Variants in OTC observed in about 807,000 individuals in gnomAD.
The protein encoded by OTC is ornithine transcarbamylase.
In OTC, 3 loss-of-function variants were observed where a neutral mutation model predicts 30.3. The observed-to-expected ratio is 0.10, with a 90% CI of 0.05 to 0.26. OTC has a LOEUF of 0.26. Among genes scored for constraint, OTC ranks in the 10% least tolerant of loss-of-function variants. The pLI is 1.00. For missense variants in OTC, 194 were observed against 260.3 expected (o/e 0.75, Z 1.75); for synonymous variants, 111 against 99.7 (o/e 1.11, Z -0.67).
At chrX:38,367,880 GC>G in intron 2 of OTC, among the ~76,000 whole-genome samples, 1 of 110,270 alleles carries the variant, frequency 9.1e-6, no homozygotes, top group South Asian at 4.0e-4. Flanking sequence ...ACCACACCTG[GC>G]TAATTTTTGT....
chrX:38,398,559 G>A (rs1312005048), intron 4 of OTC, among the ~76,000 whole-genome samples: 1 of 111,190 alleles, frequency 9.0e-6, no homozygotes, highest in Non-Finnish European at 1.9e-5. Flanking sequence ...GTTTAAAGAA[G>A]TCTGAAGTAT....
At chrX:38,394,868 T>C (rs748055379) in intron 4 of OTC, among the ~76,000 whole-genome samples, 20 of 103,945 alleles carry the variant, frequency 1.9e-4, no homozygotes, top group African/African-American at 7.0e-4. Context: ...CGGCTGACTT[T>C]CTTTTGAAAA....
In OTC at chrX:38,365,878, G is replaced by C. The variant is rs149856702; in HGVS notation, c.78-1413G>C. ...AAAGACCTAGCATGGTATTGTTTCA[G>C]ATCATGACCAAGAGACCTCCTGGAG... On this transcript the variant is annotated intron_variant, in intron 1 of 9. Coordinates refer to ENST00000039007, the MANE Select transcript of OTC (RefSeq NM_000531.6). Among the ~76,000 whole-genome samples, 656 of 112,166 alleles carry C rather than the reference G, an allele frequency of 5.8e-3. 3 individuals carry two copies. Among genetic ancestry groups the C allele is most frequent in the African/African-American group, 0.02 (620 of 30,850 alleles).
the OTC span, among the ~76,000 whole-genome samples, chrX:38,329,753 C>T: frequency 9.0e-6 from 1 of 111,694 alleles, no homozygotes; most frequent in Non-Finnish European, 1.9e-5. Flanking sequence ...TTTGTAAGTA[C>T]ACTTCAGCCT....
chrX:38,336,366 T>G, the OTC span, among the ~76,000 whole-genome samples: 1,866 of 108,871 alleles, frequency 0.017, 40 homozygotes, highest in African/African-American at 0.06. Context: ...TCTCCTGCTG[T>G]GATTTCATTG....
chrX:38,355,195 C>A (rs1410522149), intron 1 of OTC, among the ~76,000 whole-genome samples: 1 of 111,665 alleles, frequency 9.0e-6, no homozygotes, highest in Non-Finnish European at 1.9e-5. Context: ...CACACAGCCC[C>A]TGGATCAATC....
chrX:38,367,360 C>A lies in OTC; in HGVS notation c.147C>A (p.Thr49=). 8.3e-7 allele frequency: 1 copy of A among 1,198,934 alleles called. No individual in the cohort carries two copies. The highest frequency in any genetic ancestry group is 1.1e-6 in the Non-Finnish European group (1 of 884,380). Residue 49 remains threonine, a synonymous_variant, in exon 2 of 10, where the codon ACC becomes ACA. Transcript: ENST00000039007. Reference sequence around the variant, plus strand: ...ACCTTCTCACTCTAAAAAACTTTACCGGAGAAGAAATTAAATATATGCTAT... The same window carrying A: ...ACCTTCTCACTCTAAAAAACTTTACAGGAGAAGAAATTAAATATATGCTAT... ...GRDLLTLKNF[T]GEEIKYMLWL...
At chrX:38,367,516 C>A in intron 2 of OTC, 87 bp downstream of exon 2, 2 of 819,151 alleles carry the variant, frequency 2.4e-6, no homozygotes, top group Non-Finnish European at 1.8e-6. Flanking sequence ...GAAAAAAATA[C>A]ATTAAAATTC....
In OTC at chrX:38,421,343, T is replaced by G; in HGVS notation, c.*261T>G. 1 of 334,720 alleles carries G rather than the reference T, an allele frequency of 3.0e-6. No individual in the cohort carries two copies. Among genetic ancestry groups the G allele is most frequent in the Non-Finnish European group, 5.3e-6 (1 of 188,082 alleles). The allele number at this position is 334,720 out of a possible 1,213,427, so 27.6% of individuals were successfully genotyped here. A position where few individuals can be genotyped will look rare whatever the true frequency, so the allele number is the denominator to read the frequency against. The stretch of plus-strand genomic sequence containing the variant: ...CATTTAGATATCATATTAATTATCA[T>G]ATACATTTACTTCAACATAAAATAC... On this transcript the variant is annotated 3_prime_UTR_variant, in exon 10 of 10. Transcript: ENST00000039007.
At chrX:38,361,455 T>C (rs2068271304) in intron 1 of OTC, among the ~76,000 whole-genome samples, 1 of 112,118 alleles carries the variant, frequency 8.9e-6, no homozygotes, top group Admixed American at 9.5e-5. Flanking sequence ...GACAAAGTTA[T>C]TGACATAACT....
chrX:38,328,953 A>G, the OTC span, among the ~76,000 whole-genome samples: 1 of 112,332 alleles, frequency 8.9e-6, no homozygotes, highest in African/African-American at 3.2e-5. Flanking sequence ...TGGACTACCA[A>G]ATAGTTCTTA....
intron 2 of OTC, among the ~76,000 whole-genome samples, chrX:38,369,498 C>T (rs1305860745): frequency 9.6e-6 from 1 of 104,691 alleles, no homozygotes; most frequent in African/African-American, 3.6e-5. Flanking sequence ...TAGGCACCCA[C>T]CACCACTCCA....
intron 4 of OTC, among the ~76,000 whole-genome samples, chrX:38,394,894 G>T (rs774440169): frequency 5.5e-5 from 6 of 108,202 alleles, no homozygotes; most frequent in Admixed American, 2.0e-4. Flanking sequence ...AGTAGTTTCT[G>T]GGGGGGGGCA....
intron 8 of OTC, 151 bp from the exon 9 acceptor site, chrX:38,411,711 T>C (rs960237620): frequency 1.8e-5 from 10 of 556,774 alleles, no homozygotes; most frequent in East Asian, 1.7e-4. Context: ...TTCTCCTAGG[T>C]GTCTTGAGAT....
At chrX:38,391,985 T>C (rs910414980) in intron 4 of OTC, among the ~76,000 whole-genome samples, 45 of 112,330 alleles carry the variant, frequency 4.0e-4, no homozygotes, top group African/African-American at 1.3e-3. Flanking sequence ...TAACATTTTA[T>C]CTCTGGAACC....
rs188875123 is a variant in OTC, at chrX:38,357,611, A to G, written c.77+4838A>G. On this transcript the variant is annotated intron_variant, in intron 1 of 9. Coordinates refer to ENST00000039007, the MANE Select transcript of OTC (RefSeq NM_000531.6). ...GCACTTTCTCTTCCAATAAAATACA[A>G]TTATACCAGGAATACATCCAAGTCT... is the stretch of plus-strand genomic sequence containing the variant. Among the ~76,000 whole-genome samples the G allele has an allele frequency of 5.5e-3, 622 of 112,376 alleles. 6 individuals carry two copies. The highest frequency in any genetic ancestry group is 0.014 in the Middle Eastern group (3 of 215).
chrX:38,352,119 A>G (rs2068220727), upstream of OTC, among the ~76,000 whole-genome samples: 1 of 112,599 alleles, frequency 8.9e-6, no homozygotes, highest in Non-Finnish European at 1.9e-5. Context: ...TCCAGGACTG[A>G]GATATTTTTA....
chrX:38,411,870 A>G lies in OTC; in HGVS notation c.876A>G (p.Lys292=). The part of the protein sequence containing the change: ...QGYQVTMKTA[K]VAASDWTFLH... ...TATCCCCATCTCTTTAGACTGCTAA[A>G]GTTGCTGCCTCTGACTGGACATTTT... Residue 292 remains lysine, a synonymous_variant, in exon 9 of 10, where the codon AAA becomes AAG. Transcript: ENST00000039007. 1 of 1,211,206 alleles carries G rather than the reference A, an allele frequency of 8.3e-7. No homozygotes were observed. Among genetic ancestry groups the G allele is most frequent in the South Asian group, 1.8e-5 (1 of 56,986 alleles).
chrX:38,350,054 C>T (rs1169637739), upstream of OTC, among the ~76,000 whole-genome samples: 1 of 111,085 alleles, frequency 9.0e-6, no homozygotes, highest in African/African-American at 3.3e-5. Context: ...TCTTGCAATT[C>T]ATCAAAAATC....
Sources: allele counts gnomAD v4.1 joint callset (sites outside exome capture counted in the v4.1 genomes callset), GRCh38; gene constraint gnomAD v4.1.1; transcripts MANE v1.5; gene names NCBI Gene and HGNC (gene_info 2026-07-23, HGNC 2026-07-21).